RIMS2: variants seen among roughly 807,000 people sequenced by gnomAD.
RIMS2 encodes regulating synaptic membrane exocytosis protein 2.
A neutral mutation model predicts 174.4 loss-of-function variants in RIMS2; 59 were observed. The observed-to-expected ratio is 0.34, with a 90% confidence interval of 0.27 to 0.42. The LOEUF is 0.42. RIMS2 is among the 10% of genes least tolerant of loss of function. RIMS2 has a pLI of 1.00. For synonymous variants in RIMS2, 606 were observed against 572.5 expected (o/e 1.06, Z -0.84); for missense variants, 1,620 against 1,666.3 (o/e 0.97, Z 0.48).
intron 6 of RIMS2, 31 bp downstream of exon 9, chr8:103,912,203 C>T: frequency 1.3e-6 from 2 of 1,562,924 alleles, no homozygotes; most frequent in Non-Finnish European, 1.7e-6. Context: ...GATTTTGGCT[C>T]TATACTCTTA....
At chr8:103,564,180 GT>G (rs1267481590) in intron 1 of RIMS2, among the ~76,000 whole-genome samples, 1 of 152,128 alleles carries the variant, frequency 6.6e-6, no homozygotes, top group African/African-American at 2.4e-5. Context: ...TAATCTCTTT[GT>G]TCAACTCATC....
chr8:103,973,884 A>T (rs1273295657), intron 15 of RIMS2, among the ~76,000 whole-genome samples: 2 of 152,158 alleles, frequency 1.3e-5, no homozygotes, highest in African/African-American at 2.4e-5. Flanking sequence ...TTGGTTGTTA[A>T]CAACTCACAG....
intron 12 of RIMS2, among the ~76,000 whole-genome samples, chr8:103,932,876 G>T (rs2080282713): frequency 1.3e-5 from 2 of 152,126 alleles, no homozygotes; most frequent in African/African-American, 2.4e-5. Flanking sequence ...TATCTCTATG[G>T]CCGGGTGTGG....
At chr8:104,074,311 C>A (rs1218862773) in intron 19 of RIMS2, among the ~76,000 whole-genome samples, 1 of 152,112 alleles carries the variant, frequency 6.6e-6, no homozygotes, top group Non-Finnish European at 1.5e-5. Flanking sequence ...TAGGTTTAAC[C>A]TCACAGCTTT....
intron 1 of RIMS2, among the ~76,000 whole-genome samples, chr8:103,654,210 T>A (rs2096494190): frequency 6.6e-6 from 1 of 151,994 alleles, no homozygotes; most frequent in Non-Finnish European, 1.5e-5. Flanking sequence ...ATCAAGACTG[T>A]GCCATATTAT....
At chr8:103,760,314 T>C (rs3110457) in intron 2 of RIMS2, among the ~76,000 whole-genome samples, 124,168 of 151,874 alleles carry the variant, frequency 0.82, 51,353 homozygotes, top group African/African-American at 0.94. Context: ...ATCTGGAAGT[T>C]CTGCTGCTTG....
chr8:104,068,587 G>A, intron 19 of RIMS2: 1 of 1,562,134 alleles, frequency 6.4e-7, no homozygotes, highest in Non-Finnish European at 8.6e-7. Flanking sequence ...TCAGATCCCA[G>A]ACTGGAACAA....
intron 1 of RIMS2, among the ~76,000 whole-genome samples, chr8:103,614,465 C>CT (rs1470665930): frequency 6.6e-6 from 1 of 152,252 alleles, no homozygotes; most frequent in African/African-American, 2.4e-5. Context: ...TCTCATGCCC[C>CT]TTTTAATGAT....
intron 1 of RIMS2, among the ~76,000 whole-genome samples, chr8:103,626,827 G>A (rs2134993615): frequency 6.6e-6 from 1 of 151,966 alleles, no homozygotes; most frequent in East Asian, 1.9e-4. Context: ...TTTAAAAGGG[G>A]AGGGGGGGTG....
intron 4 of RIMS2, among the ~76,000 whole-genome samples, chr8:103,905,111 T>G (rs1306454387): frequency 7.2e-5 from 11 of 152,092 alleles, no homozygotes; most frequent in Admixed American, 5.9e-4. Context: ...AGACAATGTA[T>G]GTTCTGCACT....
At chr8:104,165,526 C>G (rs2098791702) in intron 19 of RIMS2, among the ~76,000 whole-genome samples, 1 of 151,664 alleles carries the variant, frequency 6.6e-6, no homozygotes, top group Admixed American at 6.6e-5. Context: ...TCAGTGAAAC[C>G]TTATGCTGTC....
At chr8:103,609,262 C>T (rs1046901055) in intron 1 of RIMS2, among the ~76,000 whole-genome samples, 5 of 152,008 alleles carry the variant, frequency 3.3e-5, no homozygotes, top group Admixed American at 6.6e-5. Context: ...ATTAGAGCTT[C>T]GTTGGATGTA....
chr8:103,749,496 T>A (rs1390257363), intron 2 of RIMS2, among the ~76,000 whole-genome samples: 3 of 152,150 alleles, frequency 2.0e-5, no homozygotes, highest in Non-Finnish European at 4.4e-5. Context: ...ATTTTTTTGG[T>A]ACATAGTAGG....
At chr8:103,590,326 A>G (rs1475770397) in intron 1 of RIMS2, among the ~76,000 whole-genome samples, 1 of 151,446 alleles carries the variant, frequency 6.6e-6, no homozygotes, top group Non-Finnish European at 1.5e-5. Flanking sequence ...TACAAAAATC[A>G]TTATACAGAA....
chr8:103,737,366 T>C (rs1402523230), intron 2 of RIMS2, among the ~76,000 whole-genome samples: 1 of 151,722 alleles, frequency 6.6e-6, no homozygotes, highest in African/African-American at 2.4e-5. Flanking sequence ...TTCTATTTTT[T>C]AGTAGAGATA....
intron 19 of RIMS2, among the ~76,000 whole-genome samples, chr8:104,136,958 AT>A (rs1349741526): frequency 2.0e-5 from 3 of 152,214 alleles, no homozygotes; most frequent in Middle Eastern, 3.2e-3. Flanking sequence ...GTTAAAAAAA[AT>A]TCAATTGTAC....
intron 2 of RIMS2, among the ~76,000 whole-genome samples, chr8:103,704,609 G>A (rs2097203184): frequency 1.3e-5 from 2 of 151,924 alleles, no homozygotes; most frequent in South Asian, 4.2e-4. Flanking sequence ...TTGGGCTTTT[G>A]TTTGATGACA....
At chr8:103,582,296 C>T (rs78417447) in intron 1 of RIMS2, among the ~76,000 whole-genome samples, 29,010 of 152,130 alleles carry the variant, frequency 0.19, 2,983 homozygotes, top group Middle Eastern at 0.3. Flanking sequence ...TTAGGTGCTA[C>T]ATCGAGGACC....
exon 24 of RIMS2, chr8:104,251,857 T>C: frequency 3.0e-6 from 2 of 673,544 alleles, no homozygotes; most frequent in South Asian, 2.7e-5. Flanking sequence ...CAACCAGCGT[T>C]ACAAAAAAAA....
Sources: allele counts gnomAD v4.1 joint callset (sites outside exome capture counted in the v4.1 genomes callset), GRCh38; gene constraint gnomAD v4.1.1; transcripts MANE v1.5; gene names NCBI Gene and HGNC (gene_info 2026-07-23, HGNC 2026-07-21).